Variants in MATCAP2 observed in about 807,000 individuals in gnomAD.
MATCAP2 encodes the protein putative tyrosine carboxypeptidase MATCAP2.
At chr7:36,372,735 T>C in the MATCAP2 span, among the ~76,000 whole-genome samples, 1 of 152,312 alleles carries the variant, frequency 6.6e-6, no homozygotes, top group Non-Finnish European at 1.5e-5. Context: ...GTTCCTATTA[T>C]ATACAAGGTA....
the MATCAP2 span, among the ~76,000 whole-genome samples, chr7:36,371,564 G>T: frequency 6.6e-6 from 1 of 152,040 alleles, no homozygotes; most frequent in Non-Finnish European, 1.5e-5. Context: ...AATAAAAGAA[G>T]ATCATTTTCT....
the MATCAP2 span, among the ~76,000 whole-genome samples, chr7:36,378,000 G>T: frequency 1.3e-5 from 2 of 152,062 alleles, no homozygotes; most frequent in African/African-American, 4.8e-5. Flanking sequence ...TTAGCCATTC[G>T]TCTAATGTTT....
At chr7:36,362,009 A>G in the MATCAP2 span, among the ~76,000 whole-genome samples, 2 of 152,172 alleles carry the variant, frequency 1.3e-5, no homozygotes, top group East Asian at 3.8e-4. Flanking sequence ...ATGAATCACA[A>G]TCTAGGAGGA....
chr7:36,354,407 C>T, the MATCAP2 span, among the ~76,000 whole-genome samples: 7 of 152,320 alleles, frequency 4.6e-5, no homozygotes, highest in Middle Eastern at 3.4e-3. Flanking sequence ...CTTAAGAGGA[C>T]CACAATCATC....
At chr7:36,333,127 C>A in the MATCAP2 span, among the ~76,000 whole-genome samples, 1 of 152,134 alleles carries the variant, frequency 6.6e-6, no homozygotes, top group East Asian at 1.9e-4. Context: ...AAGACAGCAG[C>A]GGATCTCCCA....
At chr7:36,366,590 A>C in the MATCAP2 span, 1 of 1,230,420 alleles carries the variant, frequency 8.1e-7, no homozygotes, top group Non-Finnish European at 1.1e-6. Context: ...GCTTAATCAC[A>C]CACCTAGCGT....
At chr7:36,345,005 A>G in the MATCAP2 span, among the ~76,000 whole-genome samples, 2 of 152,220 alleles carry the variant, frequency 1.3e-5, no homozygotes, top group Non-Finnish European at 2.9e-5. Context: ...TCCAGGTCTC[A>G]GCCTCCTAGT....
At chr7:36,376,857 G>A in the MATCAP2 span, among the ~76,000 whole-genome samples, 1 of 152,098 alleles carries the variant, frequency 6.6e-6, no homozygotes, top group Admixed American at 6.5e-5. Context: ...GGCCTTCTTT[G>A]TCTCTTTTGA....
chr7:36,339,682 A>C, the MATCAP2 span, among the ~76,000 whole-genome samples: 1 of 152,352 alleles, frequency 6.6e-6, no homozygotes, highest in Non-Finnish European at 1.5e-5. Context: ...CCTAATAGTC[A>C]CCAGTTATCC....
the MATCAP2 span, among the ~76,000 whole-genome samples, chr7:36,329,588 C>T: frequency 6.6e-6 from 1 of 152,178 alleles, no homozygotes; most frequent in Non-Finnish European, 1.5e-5. Flanking sequence ...GACACAGGCA[C>T]AGCCATGAAA....
At chr7:36,364,195 C>T in the MATCAP2 span, among the ~76,000 whole-genome samples, 1 of 151,892 alleles carries the variant, frequency 6.6e-6, no homozygotes, top group Non-Finnish European at 1.5e-5. Flanking sequence ...TCAAGTGATA[C>T]TCCTGCCTCA....
chr7:36,374,379 C>T, the MATCAP2 span, among the ~76,000 whole-genome samples: 1 of 152,048 alleles, frequency 6.6e-6, no homozygotes, highest in Non-Finnish European at 1.5e-5. Context: ...TGCACCTGGC[C>T]CACTGGAGGA....
chr7:36,359,217 A>G, the MATCAP2 span, among the ~76,000 whole-genome samples: 4 of 152,244 alleles, frequency 2.6e-5, no homozygotes, highest in Non-Finnish European at 2.9e-5. Flanking sequence ...AACATTTGGC[A>G]ATGTCTAGAG....
the MATCAP2 span, among the ~76,000 whole-genome samples, chr7:36,345,773 T>A: frequency 6.6e-6 from 1 of 152,140 alleles, no homozygotes. Flanking sequence ...AGCATAGGCA[T>A]ACATCTTCAT....
the MATCAP2 span, chr7:36,355,760 G>A: frequency 6.6e-6 from 1 of 151,510 alleles, no homozygotes; most frequent in Admixed American, 6.6e-5. Flanking sequence ...CAGATTTTCA[G>A]TCACTGACAA....
At chr7:36,362,720 C>T in the MATCAP2 span, among the ~76,000 whole-genome samples, 1 of 152,208 alleles carries the variant, frequency 6.6e-6, no homozygotes. Flanking sequence ...ACTCACTATG[C>T]TCTCTCCGAA....
chr7:36,352,618 A>G, the MATCAP2 span, among the ~76,000 whole-genome samples: 4 of 151,972 alleles, frequency 2.6e-5, no homozygotes, highest in South Asian at 4.1e-4. Context: ...ACTTGAGGTC[A>G]GGAGTTCGAG....
At chr7:36,334,946 TA>T in the MATCAP2 span, 2 of 1,147,462 alleles carry the variant, frequency 1.7e-6, no homozygotes, top group Non-Finnish European at 1.2e-6. Context: ...ACTAAGAAAA[TA>T]AAATAAATAC....
the MATCAP2 span, chr7:36,334,207 G>T: frequency 6.8e-7 from 1 of 1,461,484 alleles, no homozygotes; most frequent in Non-Finnish European, 9.4e-7. Flanking sequence ...TGCCATTCTT[G>T]TTTTAATTCT....
Sources: allele counts gnomAD v4.1 joint callset (sites outside exome capture counted in the v4.1 genomes callset), GRCh38; gene constraint gnomAD v4.1.1; transcripts MANE v1.5; gene names NCBI Gene and HGNC (gene_info 2026-07-23, HGNC 2026-07-21).